The following SCFD2 variants were observed in gnomAD, a reference collection of about 807,000 sequenced individuals.
SCFD2 encodes the protein sec1 family domain containing 2.
A neutral mutation model predicts 58.9 loss-of-function variants in SCFD2; 54 were observed. The observed-to-expected ratio is 0.92, with a 90% CI of 0.74 to 1.15. The LOEUF is 1.15. Among genes scored for constraint, SCFD2 ranks in the 50% most tolerant of loss-of-function variants. The probability of loss-of-function intolerance (pLI) is 0.00; values close to 1 mark genes in which losing one functional copy is unlikely to be tolerated. For missense variants in SCFD2, 805 were observed against 836.6 expected (o/e 0.96, Z 0.47); for synonymous variants, 321 against 335.9 (o/e 0.96, Z 0.49).
intron 2 of SCFD2, among the ~76,000 whole-genome samples, chr4:53,318,729 T>G (rs978190048): frequency 1.5e-4 from 21 of 142,752 alleles, no homozygotes; most frequent in African/African-American, 4.3e-4. Flanking sequence ...AAAAGAGTTG[T>G]TTTTTTTTTT....
intron 5 of SCFD2, among the ~76,000 whole-genome samples, chr4:53,027,100 C>T (rs746420917): frequency 2.0e-5 from 3 of 152,180 alleles, no homozygotes; most frequent in Non-Finnish European, 2.9e-5. Flanking sequence ...TTGAGCTAGC[C>T]TCATCCAGAA....
chr4:52,912,394 T>C (rs568757431), intron 6 of SCFD2, among the ~76,000 whole-genome samples: 1 of 152,284 alleles, frequency 6.6e-6, no homozygotes, highest in East Asian at 1.9e-4. Context: ...ACCTTTCTTG[T>C]TTAAGCTTTT....
At chr4:53,271,032 A>T (rs1731145107) in intron 4 of SCFD2, among the ~76,000 whole-genome samples, 1 of 152,128 alleles carries the variant, frequency 6.6e-6, no homozygotes. Flanking sequence ...TTAAGGATTC[A>T]GAAAGTTTTT....
intron 4 of SCFD2, among the ~76,000 whole-genome samples, chr4:53,231,916 CT>C (rs944753878): frequency 1.4e-4 from 21 of 152,014 alleles, no homozygotes; most frequent in African/African-American, 4.3e-4. Context: ...CTCAAAACAC[CT>C]TGATGTACTC....
intron 5 of SCFD2, among the ~76,000 whole-genome samples, chr4:53,009,508 C>T (rs1722050483): frequency 6.6e-6 from 1 of 152,164 alleles, no homozygotes. Context: ...TTAGCAAGCA[C>T]CTTGTAGGAC....
chr4:53,225,197 A>G (rs1729167189), intron 4 of SCFD2, among the ~76,000 whole-genome samples: 1 of 152,182 alleles, frequency 6.6e-6, no homozygotes, highest in Non-Finnish European at 1.5e-5. Context: ...GTTTATTGCC[A>G]AAGTGCTTTG....
chr4:53,035,154 C>G (rs1310016715), intron 5 of SCFD2, among the ~76,000 whole-genome samples: 6 of 152,120 alleles, frequency 3.9e-5, no homozygotes, highest in Non-Finnish European at 7.4e-5. Context: ...AGAACAGAGC[C>G]TCAGAAATAA....
rs542427165 is a variant in SCFD2, at chr4:53,288,401, T to C, written c.1136-14400A>G. On this transcript the variant is annotated intron_variant, in intron 3 of 8. Coordinates refer to ENST00000401642, the MANE Select transcript of SCFD2 (RefSeq NM_152540.4). ...ATAGGGACATCTAGGTCCATGAAAC[T>C]ATAAAGTCCCCAAAAAGGTTCAATC... Among the ~76,000 whole-genome samples, 49 of 152,056 alleles carry C rather than the reference T, an allele frequency of 3.2e-4. No individual in the cohort carries two copies. In the South Asian group the frequency reaches 8.3e-3, roughly 26 times the overall value.
chr4:53,114,315 A>G (rs1725258730), intron 5 of SCFD2, among the ~76,000 whole-genome samples: 1 of 152,204 alleles, frequency 6.6e-6, no homozygotes, highest in East Asian at 1.9e-4. Context: ...TATCTCCAAA[A>G]CAGATGCACA....
chr4:53,277,886 A>C lies in SCFD2; in HGVS notation c.1136-3885T>G, dbSNP rs539726504. ...GCTAACACGGTGAAACCCCGTCCCT[A>C]CTAAAAATGCAAAAAAATTAGTTGG... On this transcript the variant is annotated intron_variant, in intron 3 of 8. Transcript: ENST00000401642. Among the ~76,000 whole-genome samples the C allele has an allele frequency of 3.3e-5, 5 of 151,214 alleles. No individual in the cohort carries two copies. The South Asian group carries it at 1.0e-3, about 32-fold the overall frequency.
chr4:52,974,659 G>GA (rs1437316970), intron 5 of SCFD2, among the ~76,000 whole-genome samples: 1 of 151,838 alleles, frequency 6.6e-6, no homozygotes, highest in Non-Finnish European at 1.5e-5. Flanking sequence ...CACAGAATTG[G>GA]AAAAAACTAC....
At chr4:53,109,107 G>A (rs1725092325) in intron 5 of SCFD2, among the ~76,000 whole-genome samples, 1 of 152,116 alleles carries the variant, frequency 6.6e-6, no homozygotes, top group African/African-American at 2.4e-5. Context: ...CAGAACCAGT[G>A]ACAAAAACCA....
At chr4:53,160,989 G>A (rs1295993405) in intron 4 of SCFD2, among the ~76,000 whole-genome samples, 4 of 152,122 alleles carry the variant, frequency 2.6e-5, no homozygotes, top group African/African-American at 9.7e-5. Context: ...ATAACAATGA[G>A]AATGAATGCT....
At chr4:52,936,380 T>A (rs952346166) in intron 5 of SCFD2, among the ~76,000 whole-genome samples, 5 of 152,166 alleles carry the variant, frequency 3.3e-5, no homozygotes. Context: ...TTTCCATATG[T>A]CTGAACAAGG....
chr4:53,288,014 A>C (rs1265597456), intron 3 of SCFD2, among the ~76,000 whole-genome samples: 1 of 152,070 alleles, frequency 6.6e-6, no homozygotes. Flanking sequence ...CCAAGGCAGG[A>C]GGGCTGCTTG....
chr4:53,292,592 C>T (rs1192108699), intron 3 of SCFD2, among the ~76,000 whole-genome samples: 4 of 152,174 alleles, frequency 2.6e-5, no homozygotes, highest in African/African-American at 7.2e-5. Flanking sequence ...AACACTTTTA[C>T]ACTCTTGGTA....
rs76313877 is a variant in SCFD2 at position 53,006,838 on chromosome 4, G to C, written c.1562-85968C>G. Among the ~76,000 whole-genome samples, 581 of 152,236 alleles carry C rather than the reference G, an allele frequency of 3.8e-3. 7 individuals are homozygous for C. The highest frequency in any genetic ancestry group is 0.013 in the African/African-American group (559 of 41,554). On this transcript the variant is annotated intron_variant, in intron 5 of 8. Transcript: ENST00000401642. Reference sequence around the variant, plus strand: ...AGGAAGGAGCATGGATTCAGGAACAGGCTGGGTAGAGGCCCTCACAAGTGA... The same window carrying C: ...AGGAAGGAGCATGGATTCAGGAACACGCTGGGTAGAGGCCCTCACAAGTGA...
intron 6 of SCFD2, among the ~76,000 whole-genome samples, chr4:52,910,880 TGAA>T (rs1442812644): frequency 2.6e-5 from 4 of 152,168 alleles, no homozygotes; most frequent in Non-Finnish European, 5.9e-5. Context: ...GATGCTGCTG[TGAA>T]GAAGAGCACG....
chr4:53,328,119 A>C (rs1733271374), intron 2 of SCFD2, among the ~76,000 whole-genome samples: 1 of 148,134 alleles, frequency 6.8e-6, no homozygotes, highest in African/African-American at 2.5e-5. Flanking sequence ...TGGGTGACAG[A>C]GCGAGACTCT....
Sources: gnomAD v4.1 joint callset for allele counts (sites outside exome capture counted in the v4.1 genomes callset) on GRCh38, gnomAD v4.1.1 for gene constraint, MANE v1.5 for transcripts, NCBI Gene and HGNC (gene_info 2026-07-23, HGNC 2026-07-21) for gene names.